The following RASSF3 variants were observed in gnomAD, a reference collection of about 807,000 sequenced individuals.
The protein encoded by RASSF3 is Ras association domain family member 3.
Under a neutral mutation model 19.9 loss-of-function variants are expected in RASSF3, and 19 were observed. The observed-to-expected ratio is 0.96, with a 90% CI of 0.67 to 1.40. RASSF3 has a LOEUF of 1.40. RASSF3 is among the 40% of genes most tolerant of loss of function. The pLI, the probability that RASSF3 is intolerant of heterozygous loss-of-function variation, is 0.00. For missense variants in RASSF3, 306 were observed against 289.8 expected (o/e 1.06, Z -0.41); for synonymous variants, 110 against 104.2 (o/e 1.06, Z -0.34).
downstream of RASSF3, among the ~76,000 whole-genome samples, chr12:64,543,415 CCCCCCGGCTCCCCG>C (rs1868977822): frequency 1.1e-5 from 1 of 87,034 alleles, no homozygotes; most frequent in Admixed American, 1.0e-4. Context: ...GAGTTTCCCG[CCCCCCGGCTCCCCG>C]CCCGCCCCCC....
intron 2 of RASSF3, among the ~76,000 whole-genome samples, chr12:64,562,023 T>TTTTTTATTTTTG (rs1555209198): frequency 4.4e-4 from 61 of 139,868 alleles, no homozygotes; most frequent in South Asian, 2.1e-3. Context: ...ATTTATTTAT[T>TTTTTTATTTTTG]TTTGTTTGTT....
chr12:64,600,562 A>G (rs982792484), intron 2 of RASSF3, among the ~76,000 whole-genome samples: 1 of 152,104 alleles, frequency 6.6e-6, no homozygotes, highest in Non-Finnish European at 1.5e-5. Flanking sequence ...TGAAGTTTGG[A>G]TTTTGTTTTT....
chr12:64,576,203 C>CAAAT (rs927780948), intron 2 of RASSF3, among the ~76,000 whole-genome samples: 11 of 152,030 alleles, frequency 7.2e-5, no homozygotes, highest in African/African-American at 2.4e-4. Context: ...CAAAAATAAA[C>CAAAT]AAACCAAAGG....
chr12:64,543,729 G>A (rs868487560), downstream of RASSF3, among the ~76,000 whole-genome samples: 10 of 151,340 alleles, frequency 6.6e-5, no homozygotes, highest in African/African-American at 2.4e-4. Flanking sequence ...AGTCTAGTGA[G>A]GACTTGGAGA....
At chr12:64,526,714 T>C (rs911780008) in intron 1 of RASSF3, among the ~76,000 whole-genome samples, 10 of 152,126 alleles carry the variant, frequency 6.6e-5, no homozygotes, top group African/African-American at 2.4e-4. Flanking sequence ...TGGATAACTT[T>C]TTAAAACTTT....
intron 1 of RASSF3, among the ~76,000 whole-genome samples, chr12:64,644,684 C>A (rs946754782): frequency 7.3e-6 from 1 of 137,318 alleles, no homozygotes; most frequent in Non-Finnish European, 1.6e-5. Context: ...GCAGCAGAGA[C>A]CCTGTCTCCA....
intron 2 of RASSF3, among the ~76,000 whole-genome samples, chr12:64,570,666 G>A (rs1042209504): frequency 1.3e-5 from 2 of 152,128 alleles, no homozygotes; most frequent in African/African-American, 4.8e-5. Context: ...CTTTCTAAGA[G>A]CTGTTTAGCT....
chr12:64,673,465 G>A (rs1047564122), intron 1 of RASSF3, among the ~76,000 whole-genome samples: 1 of 152,164 alleles, frequency 6.6e-6, no homozygotes, highest in Admixed American at 6.5e-5. Flanking sequence ...GAAAGGGACC[G>A]TAGTCCAGTG....
chr12:64,636,110 A>G (rs922303076), intron 1 of RASSF3, among the ~76,000 whole-genome samples: 2 of 146,046 alleles, frequency 1.4e-5, no homozygotes, highest in African/African-American at 4.9e-5. Flanking sequence ...TGGGTTTATT[A>G]TAACTTACGG....
intron 1 of RASSF3, among the ~76,000 whole-genome samples, chr12:64,510,670 C>T (rs1235424948): frequency 6.6e-6 from 1 of 152,186 alleles, no homozygotes; most frequent in Non-Finnish European, 1.5e-5. Context: ...TACATCAAGG[C>T]ATGATTTAGG....
At chr12:64,646,274 TTAG>T (rs1249448147) in intron 1 of RASSF3, among the ~76,000 whole-genome samples, 1 of 152,164 alleles carries the variant, frequency 6.6e-6, no homozygotes, top group Non-Finnish European at 1.5e-5. Flanking sequence ...ATCATTGGCT[TTAG>T]TAGATATTAC....
intron 1 of RASSF3, among the ~76,000 whole-genome samples, chr12:64,672,569 G>GCAAGATC (rs1872735445): frequency 1.3e-5 from 2 of 152,004 alleles, no homozygotes; most frequent in Non-Finnish European, 2.9e-5. Flanking sequence ...TGTTGCCCAG[G>GCAAGATC]CTGAGTCATG....
intron 2 of RASSF3, among the ~76,000 whole-genome samples, chr12:64,579,784 G>A (rs1869658552): frequency 6.6e-6 from 1 of 150,386 alleles, no homozygotes; most frequent in Non-Finnish European, 1.5e-5. Context: ...TGCTGAGTAG[G>A]GTACAAAACT....
At chr12:64,636,133 C>T (rs75303724) in intron 1 of RASSF3, among the ~76,000 whole-genome samples, 24 of 136,560 alleles carry the variant, frequency 1.8e-4, no homozygotes, top group African/African-American at 5.6e-4. Context: ...TTTTTTTTTT[C>T]TGATATGGAG....
upstream of RASSF3, among the ~76,000 whole-genome samples, chr12:64,607,088 C>G (rs955341067): frequency 4.6e-5 from 7 of 151,704 alleles, no homozygotes; most frequent in African/African-American, 1.5e-4. Flanking sequence ...TCAAGACCAG[C>G]CTGGGCAACA....
At chr12:64,518,941 A>G (rs1868414211) in intron 1 of RASSF3, among the ~76,000 whole-genome samples, 1 of 152,166 alleles carries the variant, frequency 6.6e-6, no homozygotes, top group African/African-American at 2.4e-5. Context: ...TACCTTTATT[A>G]CCAAACATAT....
chr12:64,520,823 A>G (rs1868463919), intron 1 of RASSF3, among the ~76,000 whole-genome samples: 1 of 152,092 alleles, frequency 6.6e-6, no homozygotes, highest in South Asian at 2.1e-4. Context: ...TCTACATTAA[A>G]GTCTTAAAAT....
chr12:64,624,405 A>G (rs1870911747), intron 1 of RASSF3, among the ~76,000 whole-genome samples: 1 of 151,760 alleles, frequency 6.6e-6, no homozygotes, highest in Non-Finnish European at 1.5e-5. Context: ...TATCTTGAGC[A>G]AGTCATTGTA....
intron 1 of RASSF3, among the ~76,000 whole-genome samples, chr12:64,633,509 C>G (rs551215977): frequency 6.6e-6 from 1 of 152,052 alleles, no homozygotes; most frequent in Admixed American, 6.6e-5. Context: ...CTTTTCCTTT[C>G]ACCTCCTGAG....
Sources: gnomAD v4.1 joint callset for allele counts (sites outside exome capture counted in the v4.1 genomes callset) on GRCh38, gnomAD v4.1.1 for gene constraint, MANE v1.5 for transcripts, NCBI Gene and HGNC (gene_info 2026-07-23, HGNC 2026-07-21) for gene names.